EPB41: variants seen among roughly 807,000 people sequenced by gnomAD.
EPB41 encodes protein 4.1.
Under a neutral mutation model 108.0 loss-of-function variants are expected in EPB41, and 65 were observed. The observed-to-expected ratio is 0.60, with a 90% CI of 0.49 to 0.74. The LOEUF (loss-of-function observed/expected upper bound fraction) is 0.74. Ranked by LOEUF, EPB41 falls within the 30% of genes least tolerant of loss-of-function variation. The probability of loss-of-function intolerance (pLI) is 0.00; values close to 1 mark genes in which losing one functional copy is unlikely to be tolerated. For synonymous variants in EPB41, 336 were observed against 358.9 expected (o/e 0.94, Z 0.72); for missense variants, 875 against 1,037.0 (o/e 0.84, Z 2.15).
At chr1:29,034,758 C>G (rs1477844881) in intron 9 of EPB41, among the ~76,000 whole-genome samples, 1 of 152,002 alleles carries the variant, frequency 6.6e-6, no homozygotes, top group Non-Finnish European at 1.5e-5. Flanking sequence ...TTTAATGATT[C>G]AAGAATCTGA....
intron 16 of EPB41, among the ~76,000 whole-genome samples, chr1:29,074,076 G>A (rs1480215652): frequency 2.0e-5 from 3 of 152,200 alleles, no homozygotes; most frequent in East Asian, 3.9e-4. Flanking sequence ...AAGGTATTAT[G>A]GAGCAGAAAT....
At chr1:28,911,843 G>T (rs140021840), upstream of EPB41, among the ~76,000 whole-genome samples, 504 of 152,200 alleles carry the variant, frequency 3.3e-3, 5 homozygotes, top group African/African-American at 0.011. Context: ...GGGGGTTCGA[G>T]ACCAGCCTGA....
intron 1 of EPB41, among the ~76,000 whole-genome samples, chr1:28,917,744 C>CT (rs1022248959): frequency 1.8e-4 from 26 of 147,718 alleles, no homozygotes; most frequent in Admixed American, 4.8e-4. Flanking sequence ...CCATGCCCAG[C>CT]TTTTTTTTTT....
chr1:29,022,507 G>T (rs569498840), intron 7 of EPB41, among the ~76,000 whole-genome samples: 1 of 152,196 alleles, frequency 6.6e-6, no homozygotes, highest in South Asian at 2.1e-4. Flanking sequence ...CGGATCACAA[G>T]GTCAGGAGTT....
intron 1 of EPB41, among the ~76,000 whole-genome samples, chr1:28,954,859 T>C (rs2094881380): frequency 6.6e-6 from 1 of 152,214 alleles, no homozygotes; most frequent in African/African-American, 2.4e-5. Flanking sequence ...CCATTAATTA[T>C]GTAGACCCCG....
At chr1:29,053,362 C>G (rs947901324) in intron 12 of EPB41, 50 bp downstream of exon 12, 10 of 1,601,728 alleles carry the variant, frequency 6.2e-6, no homozygotes, top group Non-Finnish European at 8.6e-6. Flanking sequence ...GATTTAGAGG[C>G]CTTAACTTTT....
intron 1 of EPB41, among the ~76,000 whole-genome samples, chr1:28,888,617 GA>G (rs2089733014): frequency 6.6e-6 from 1 of 152,174 alleles, no homozygotes; most frequent in African/African-American, 2.4e-5. Context: ...TGTGAGGTGG[GA>G]ATTATTATTT....
intron 1 of EPB41, among the ~76,000 whole-genome samples, chr1:28,891,662 A>G (rs1303885722): frequency 1.3e-5 from 2 of 152,166 alleles, no homozygotes; most frequent in Non-Finnish European, 2.9e-5. Flanking sequence ...AAATCAGGTG[A>G]GAATGTGGTT....
intron 1 of EPB41, among the ~76,000 whole-genome samples, chr1:28,918,409 G>A (rs1490921568): frequency 6.6e-6 from 1 of 152,126 alleles, no homozygotes; most frequent in Non-Finnish European, 1.5e-5. Context: ...TGCATATTCA[G>A]ATGTGGATTC....
chr1:29,084,133 C>G (rs987614146), intron 16 of EPB41, among the ~76,000 whole-genome samples: 10 of 152,218 alleles, frequency 6.6e-5, no homozygotes, highest in Admixed American at 3.3e-4. Flanking sequence ...GTAATGTGCT[C>G]TGTGGGTGTA....
At position 28,889,706 on chromosome 1, in the gene EPB41, C is replaced by G. The variant is rs184883211; in HGVS notation, c.-8+2496C>G. ...CCTAGGCTGCAGGGTGAGACAGAGG[C>G]TGGGGTGGTGGGAGTGAGGAGGGGA... On this transcript the variant is annotated intron_variant, in intron 1 of 16. Coordinates refer to the EPB41 transcript ENST00000347529. The G allele has an allele frequency of 5.0e-3, 3,022 of 599,864 alleles. 8 individuals are homozygous for G. Among genetic ancestry groups the G allele is most frequent in the Non-Finnish European group, 5.9e-3 (2,823 of 477,422 alleles). 37.2% of individuals were successfully genotyped at this position (599,864 alleles called of 1,614,324 possible).
At position 28,914,608 on chromosome 1, in the gene EPB41, C is replaced by G. The variant is rs1043920903; in HGVS notation, c.-168C>G. 4 of 151,858 alleles carry G rather than the reference C, an allele frequency of 2.6e-5. No individual in the cohort carries two copies. The highest frequency in any genetic ancestry group is 5.9e-5 in the Non-Finnish European group (4 of 67,918). 9.4% of individuals were successfully genotyped at this position (151,858 alleles called of 1,614,324 possible). ...AGGGCGCGCGCCAGGGTCGCTCGCT[C>G]GCTCCCTCCCTCCGCTGGTGCGTTT... On this transcript the variant is annotated 5_prime_UTR_variant, in exon 1 of 21. Transcript: ENST00000343067.
At chr1:28,911,930 A>T (rs957674941), upstream of EPB41, among the ~76,000 whole-genome samples, 21 of 152,082 alleles carry the variant, frequency 1.4e-4, no homozygotes, top group Non-Finnish European at 2.9e-4. Flanking sequence ...AATCCCAGCT[A>T]CTCACGAGGC....
chr1:29,089,895 GAGAA>G (rs550868976), intron 16 of EPB41, among the ~76,000 whole-genome samples: 84 of 152,240 alleles, frequency 5.5e-4, no homozygotes, highest in Admixed American at 9.8e-4. Context: ...GGTTTGAGAT[GAGAA>G]AGAAGGAAGG....
chr1:29,012,930 TG>T (rs1255126876), intron 5 of EPB41, among the ~76,000 whole-genome samples: 1 of 152,186 alleles, frequency 6.6e-6, no homozygotes, highest in Non-Finnish European at 1.5e-5. Flanking sequence ...TATAACTCCT[TG>T]CTCCTTTCAA....
chr1:29,020,300 C>G (rs1478728196), intron 7 of EPB41, among the ~76,000 whole-genome samples: 3 of 151,926 alleles, frequency 2.0e-5, no homozygotes, highest in Non-Finnish European at 4.4e-5. Context: ...AACTTCTGAC[C>G]TCATGATCCA....
chr1:29,051,626 G>A (rs1644529032), intron 11 of EPB41, among the ~76,000 whole-genome samples: 3 of 152,022 alleles, frequency 2.0e-5, no homozygotes, highest in South Asian at 4.2e-4. Flanking sequence ...GCTGGGAGCG[G>A]TGGCTCACGC....
intron 17 of EPB41, among the ~76,000 whole-genome samples, chr1:29,101,090 G>A (rs1452111287): frequency 6.6e-6 from 1 of 152,120 alleles, no homozygotes; most frequent in African/African-American, 2.4e-5. Flanking sequence ...CGGGCACGGT[G>A]GTGCATGCCT....
chr1:29,055,538 A>G (rs1429395845), intron 12 of EPB41, among the ~76,000 whole-genome samples: 1 of 152,016 alleles, frequency 6.6e-6, no homozygotes, highest in Admixed American at 6.6e-5. Flanking sequence ...ACATAAATAT[A>G]TGATTCGAGA....
Sources: gnomAD v4.1 joint callset for allele counts (sites outside exome capture counted in the v4.1 genomes callset) on GRCh38, gnomAD v4.1.1 for gene constraint, MANE v1.5 for transcripts, NCBI Gene and HGNC (gene_info 2026-07-23, HGNC 2026-07-21) for gene names.